AGAP1: variants seen among roughly 807,000 people sequenced by gnomAD.
AGAP1 encodes ArfGAP with GTPase domain, ankyrin repeat and PH domain 1, also known as arf-GAP with GTPase, ANK repeat and PH domain-containing protein 1.
A neutral mutation model predicts 105.3 loss-of-function variants in AGAP1; 29 were observed. The ratio of observed to expected loss-of-function variants is 0.28; its 90% CI spans 0.21 to 0.38. The LOEUF (loss-of-function observed/expected upper bound fraction) is 0.38, where lower values mean the gene tolerates loss of function less well. AGAP1 is among the 10% of genes least tolerant of loss of function. AGAP1 has a pLI of 1.00. For synonymous variants in AGAP1, 509 were observed against 485.9 expected (o/e 1.05, Z -0.63); for missense variants, 998 against 1,165.1 (o/e 0.86, Z 2.09).
At position 235,959,670 on chromosome 2, in the gene AGAP1, C is replaced by T. The variant is rs2054099449; in HGVS notation, c.1484-8792C>T. On this transcript the variant is annotated intron_variant, in intron 12 of 17. Transcript: ENST00000304032. The surrounding 1 kb of genome is among the most constrained non-coding windows in gnomAD (Gnocchi z 7.3). The stretch of plus-strand genomic sequence containing the variant: ...CCCCCTCAATTCACATCCTAATTCA[C>T]CCCGCCATCACCTTCTCAGCACCAT... Among the ~76,000 whole-genome samples the T allele has an allele frequency of 6.6e-6, 1 of 152,104 alleles. No individual in the cohort carries two copies. The highest frequency in any genetic ancestry group is 1.5e-5 in the Non-Finnish European group (1 of 68,012).
intron 9 of AGAP1, among the ~76,000 whole-genome samples, chr2:235,869,216 C>A (rs143262903): frequency 6.6e-6 from 1 of 151,910 alleles, no homozygotes. Context: ...TCGAATCTTG[C>A]GCCTGTTTCT....
chr2:235,896,542 C>G (rs1219029797), intron 10 of AGAP1, among the ~76,000 whole-genome samples: 1 of 152,202 alleles, frequency 6.6e-6, no homozygotes, highest in Non-Finnish European at 1.5e-5. Flanking sequence ...CAGTCCTGAC[C>G]ACAGTGAACT....
At position 235,642,502 on chromosome 2, in the gene AGAP1, A is replaced by G. The variant is rs988678077; in HGVS notation, c.164-66677A>G. On this transcript the variant is annotated intron_variant, in intron 1 of 17. Transcript: ENST00000304032. The surrounding 1 kb of genome is among the most constrained non-coding windows in gnomAD (Gnocchi z 4.1). ...GGGTCTTGGTTTTGCCAGCACTCCC[A>G]GTGGACAGTCATGCCTGGACTTGTC... Among the ~76,000 whole-genome samples, 1 of 152,168 alleles carries G rather than the reference A, an allele frequency of 6.6e-6. No individual in the cohort carries two copies. Among genetic ancestry groups the G allele is most frequent in the African/African-American group, 2.4e-5 (1 of 41,436 alleles).
At chr2:235,624,554 A>C (rs1290865419) in intron 1 of AGAP1, among the ~76,000 whole-genome samples, 1 of 152,160 alleles carries the variant, frequency 6.6e-6, no homozygotes, top group Non-Finnish European at 1.5e-5. Context: ...TTCATTACTT[A>C]AATATTGCTT....
At position 235,971,124 on chromosome 2, in the gene AGAP1, C is replaced by A. The variant is rs1046470790; in HGVS notation, c.1645+2501C>A. Among the ~76,000 whole-genome samples, 6 of 152,160 alleles carry A rather than the reference C, an allele frequency of 3.9e-5. No homozygotes were observed. The highest frequency in any genetic ancestry group is 2.9e-5 in the Non-Finnish European group (2 of 68,038). Reference sequence around the variant, plus strand: ...TCTAATTAGGAGAGTCTGGTCTCTACGTCAGCGGCTATGACATCTTTCCAA... The same window carrying A: ...TCTAATTAGGAGAGTCTGGTCTCTAAGTCAGCGGCTATGACATCTTTCCAA... On this transcript the variant is annotated intron_variant, in intron 13 of 17. Transcript: ENST00000304032. This position sits in a 1 kb window ranked among gnomAD's most constrained non-coding sequence, Gnocchi z 4.8.
rs576661325 is a variant in AGAP1, at chr2:235,900,154, G to A, written c.1156-8584G>A. ...CCAACAAGGCCTCACCAGCCTTCTC[G>A]TTTACCACGTGTAGCATAATGACCC... On this transcript the variant is annotated intron_variant, in intron 10 of 17. Transcript: ENST00000304032. The surrounding 1 kb of genome is among the most constrained non-coding windows in gnomAD (Gnocchi z 5.5). 3.8e-3 allele frequency among the ~76,000 whole-genome samples: 583 copies of A among 152,218 alleles called. 2 individuals carry two copies. Among genetic ancestry groups the A allele is most frequent in the South Asian group, 0.02 (95 of 4,820 alleles).
chr2:235,687,175 T>C (rs984540627), intron 1 of AGAP1, among the ~76,000 whole-genome samples: 1 of 152,178 alleles, frequency 6.6e-6, no homozygotes, highest in Non-Finnish European at 1.5e-5. Context: ...AAGTAAACAT[T>C]GTTCTCAACA....
intron 1 of AGAP1, among the ~76,000 whole-genome samples, chr2:235,699,083 C>T (rs1685855819): frequency 6.6e-6 from 1 of 151,644 alleles, no homozygotes; most frequent in Admixed American, 6.6e-5. Context: ...CCCCCCCCAC[C>T]CCACCTAGGC....
At chr2:235,876,651 A>T (rs1169203234) in intron 9 of AGAP1, among the ~76,000 whole-genome samples, 2 of 152,150 alleles carry the variant, frequency 1.3e-5, no homozygotes, top group Admixed American at 1.3e-4. Context: ...CCACTGGGCC[A>T]CGACAACTAA....
chr2:235,663,024 T>A lies in AGAP1; in HGVS notation c.164-46155T>A, dbSNP rs1282914064. On this transcript the variant is annotated intron_variant, in intron 1 of 17. Coordinates refer to ENST00000304032, the MANE Select transcript of AGAP1 (RefSeq NM_001037131.3). This position sits in a 1 kb window ranked among gnomAD's most constrained non-coding sequence, Gnocchi z 5.4. ...GGGGAACACCGAGCTAGGGACACGC[T>A]GGCTAATAGAGGAAGGAGAGCTGGG... Among the ~76,000 whole-genome samples, 1 of 152,214 alleles carries A rather than the reference T, an allele frequency of 6.6e-6. No individual in the cohort carries two copies. The highest frequency in any genetic ancestry group is 1.5e-5 in the Non-Finnish European group (1 of 68,038).
chr2:235,850,753 C>T (rs569329711), intron 9 of AGAP1, among the ~76,000 whole-genome samples: 2 of 152,324 alleles, frequency 1.3e-5, no homozygotes, highest in African/African-American at 4.8e-5. Context: ...GGGGTGGTGA[C>T]TTCACACACA....
At chr2:235,760,481 G>A (rs910078424) in intron 6 of AGAP1, among the ~76,000 whole-genome samples, 1 of 152,248 alleles carries the variant, frequency 6.6e-6, no homozygotes, top group African/African-American at 2.4e-5. Flanking sequence ...TGTGCTTGAG[G>A]TGATTATCCT....
chr2:236,057,559 CT>C (rs201876877), intron 16 of AGAP1, among the ~76,000 whole-genome samples: 71 of 151,806 alleles, frequency 4.7e-4, no homozygotes, highest in African/African-American at 9.7e-4. Flanking sequence ...GAGCCCCCCC[CT>C]CAACCCCCGT....
intron 13 of AGAP1, among the ~76,000 whole-genome samples, chr2:236,033,290 A>G (rs983055002): frequency 1.3e-5 from 2 of 152,192 alleles, no homozygotes; most frequent in African/African-American, 4.8e-5. Flanking sequence ...TAGAACAGCC[A>G]CTGTAGGGAG....
intron 13 of AGAP1, among the ~76,000 whole-genome samples, chr2:236,008,165 C>T (rs535288305): frequency 3.2e-4 from 48 of 152,292 alleles, no homozygotes; most frequent in South Asian, 2.5e-3. Flanking sequence ...AAACTGATCA[C>T]GGTAAAGTTA....
At position 235,665,802 on chromosome 2, in the gene AGAP1, A is replaced by T. The variant is rs1040589742; in HGVS notation, c.164-43377A>T. On this transcript the variant is annotated intron_variant, in intron 1 of 17. Coordinates refer to ENST00000304032, the MANE Select transcript of AGAP1 (RefSeq NM_001037131.3). This position sits in a 1 kb window ranked among gnomAD's most constrained non-coding sequence, Gnocchi z 5.3. ...ACCATCAGCAGACGCGGTTCTGCTA[A>T]GATACTGCAAACGTGATTACTGGCT... Among the ~76,000 whole-genome samples, 1 of 152,168 alleles carries T rather than the reference A, an allele frequency of 6.6e-6. No individual in the cohort carries two copies. Among genetic ancestry groups the T allele is most frequent in the Non-Finnish European group, 1.5e-5 (1 of 68,034 alleles).
intron 13 of AGAP1, among the ~76,000 whole-genome samples, chr2:236,008,262 A>G (rs1452258879): frequency 2.0e-5 from 3 of 152,190 alleles, no homozygotes; most frequent in Non-Finnish European, 2.9e-5. Context: ...TGCTGTTGTC[A>G]TATACCCAGA....
At chr2:235,909,229 T>C (rs1449004044) in intron 11 of AGAP1, among the ~76,000 whole-genome samples, 1 of 152,204 alleles carries the variant, frequency 6.6e-6, no homozygotes, top group Non-Finnish European at 1.5e-5. Flanking sequence ...AACGTTAAAG[T>C]GTCAAAGATT....
chr2:235,797,966 T>A, intron 7 of AGAP1, 80 bp downstream of exon 7: 1 of 1,499,202 alleles, frequency 6.7e-7, no homozygotes, highest in East Asian at 2.4e-5. Flanking sequence ...ATGCTAAGGT[T>A]GATTTTTTTT....
Sources: gnomAD v4.1 joint callset for allele counts (sites outside exome capture counted in the v4.1 genomes callset) on GRCh38, gnomAD v4.1.1 for gene constraint, Gnocchi (gnomAD v3.1) non-coding constraint, MANE v1.5 for transcripts, NCBI Gene and HGNC (gene_info 2026-07-23, HGNC 2026-07-21) for gene names.